NXPE4: variants seen among roughly 807,000 people sequenced by gnomAD.
NXPE4 encodes neurexophilin and PC-esterase domain family member 4.
NXPE4 carries 42 observed loss-of-function variants against 33.3 expected under a neutral mutation model. The observed-to-expected ratio is 1.26, with a 90% confidence interval of 0.98 to 1.63. The LOEUF is 1.63. Ranked by LOEUF, NXPE4 falls within the 40% of genes most tolerant of loss-of-function variation. The probability of loss-of-function intolerance (pLI) is 0.00; values close to 1 mark genes in which losing one functional copy is unlikely to be tolerated. For missense variants in NXPE4, 709 were observed against 647.6 expected, an observed-to-expected ratio of 1.09 and a Z score of -1.03; for synonymous variants, 253 against 234.9, an observed-to-expected ratio of 1.08 and a Z score of -0.71.
the NXPE4 span, among the ~76,000 whole-genome samples, chr11:114,655,418 G>A: frequency 1.3e-5 from 2 of 152,116 alleles, no homozygotes; most frequent in Non-Finnish European, 2.9e-5. Context: ...GTCTTGAAGG[G>A]TATTGCCTAG....
At chr11:114,596,744 A>G (rs1949576576), upstream of NXPE4, among the ~76,000 whole-genome samples, 1 of 152,222 alleles carries the variant, frequency 6.6e-6, no homozygotes, top group Non-Finnish European at 1.5e-5. Flanking sequence ...TCCTTAGAGG[A>G]CTGATGCCAG....
At chr11:114,674,249 T>G in the NXPE4 span, among the ~76,000 whole-genome samples, 1 of 151,834 alleles carries the variant, frequency 6.6e-6, no homozygotes, top group Non-Finnish European at 1.5e-5. Context: ...ATGTTTAAAA[T>G]TATTTGCCAA....
the NXPE4 span, among the ~76,000 whole-genome samples, chr11:114,663,272 G>A: frequency 3.3e-5 from 5 of 152,148 alleles, no homozygotes; most frequent in African/African-American, 4.8e-5. Flanking sequence ...CAACTCAGCC[G>A]CAGTACAGTA....
At chr11:114,668,771 G>A in the NXPE4 span, among the ~76,000 whole-genome samples, 1 of 152,094 alleles carries the variant, frequency 6.6e-6, no homozygotes, top group East Asian at 1.9e-4. Context: ...CCAACTATTA[G>A]GACAGCATTT....
the NXPE4 span, among the ~76,000 whole-genome samples, chr11:114,638,294 A>G: frequency 6.6e-6 from 1 of 151,630 alleles, no homozygotes; most frequent in African/African-American, 2.4e-5. Context: ...GTAGTTCTCG[A>G]GCCTTGGTTT....
chr11:114,576,993 A>G (rs61904900), intron 5 of NXPE4, among the ~76,000 whole-genome samples: 14,790 of 107,600 alleles, frequency 0.14, 1,101 homozygotes, highest in Admixed American at 0.21. Flanking sequence ...ATATATATAC[A>G]TATATATATA....
chr11:114,617,889 G>A, the NXPE4 span, among the ~76,000 whole-genome samples: 833 of 152,042 alleles, frequency 5.5e-3, 2 homozygotes, highest in African/African-American at 0.017. Flanking sequence ...CTTACCTGGC[G>A]GATAATAAGT....
the NXPE4 span, among the ~76,000 whole-genome samples, chr11:114,631,832 T>A: frequency 6.6e-6 from 1 of 151,438 alleles, no homozygotes; most frequent in Non-Finnish European, 1.5e-5. Flanking sequence ...GGGTAACCGA[T>A]GTTACCCGGT....
chr11:114,634,756 C>A, the NXPE4 span, among the ~76,000 whole-genome samples: 9 of 151,946 alleles, frequency 5.9e-5, no homozygotes, highest in Non-Finnish European at 8.8e-5. Flanking sequence ...TCAGGTTTCT[C>A]AAAGATCAGA....
At chr11:114,601,548 T>A in the NXPE4 span, among the ~76,000 whole-genome samples, 2 of 94,272 alleles carry the variant, frequency 2.1e-5, no homozygotes, top group Non-Finnish European at 4.1e-5. Flanking sequence ...TATATATTAT[T>A]TATAATTATA....
At chr11:114,626,788 G>A in the NXPE4 span, among the ~76,000 whole-genome samples, 30 of 152,222 alleles carry the variant, frequency 2.0e-4, no homozygotes, top group East Asian at 4.1e-3. Context: ...TTAGAATAAT[G>A]TATAACTAGA....
the NXPE4 span, among the ~76,000 whole-genome samples, chr11:114,661,977 T>C: frequency 0.5 from 76,125 of 151,938 alleles, 20,198 homozygotes; most frequent in East Asian, 0.79. Flanking sequence ...GGAGGTGGGG[T>C]AAGATGGCAG....
chr11:114,651,470 G>A, the NXPE4 span, among the ~76,000 whole-genome samples: 1 of 152,198 alleles, frequency 6.6e-6, no homozygotes, highest in Non-Finnish European at 1.5e-5. Flanking sequence ...CAAAGAGTAA[G>A]CAGCAGCAAG....
the NXPE4 span, among the ~76,000 whole-genome samples, chr11:114,610,013 T>C: frequency 0.18 from 26,800 of 151,526 alleles, 2,620 homozygotes; most frequent in African/African-American, 0.25. Flanking sequence ...TGGTAGATAA[T>C]ACATGTTGCC....
At chr11:114,636,251 A>C in the NXPE4 span, among the ~76,000 whole-genome samples, 1,555 of 152,132 alleles carry the variant, frequency 0.01, 26 homozygotes, top group African/African-American at 0.035. Flanking sequence ...TTATTTGCGT[A>C]GAGGTGTTTG....
chr11:114,582,300 C>G lies in NXPE4; in HGVS notation c.818G>C (p.Ser273Thr). 1.3e-6 allele frequency: 2 copies of G among 1,574,396 alleles called. No individual in the cohort carries two copies. Among genetic ancestry groups the G allele is most frequent in the Non-Finnish European group, 1.7e-6 (2 of 1,162,174 alleles). Residue 273 changes from serine (S) to threonine (T), a missense_variant, in exon 3 of 6, where the codon AGC (serine) becomes ACC (threonine). Transcript: ENST00000375478. ...TAATTATTTTTACCTTTCAAAGAGGCTCTTTTCTTGTTTGCTAAGATAAGA... is the reference window on the plus strand; with the variant it reads ...TAATTATTTTTACCTTTCAAAGAGGGTCTTTTCTTGTTTGCTAAGATAAGA... Reference protein sequence around the residue: ...KVSYLSKQEKSLFERSNVGVE... With the variant: ...KVSYLSKQEKTLFERSNVGVE...
At chr11:114,632,027 A>G in the NXPE4 span, among the ~76,000 whole-genome samples, 1 of 146,894 alleles carries the variant, frequency 6.8e-6, no homozygotes, top group African/African-American at 2.5e-5. Flanking sequence ...TAATAATTAT[A>G]CTTTATATAT....
At chr11:114,581,635 A>G in intron 4 of NXPE4, 90 bp downstream of exon 4, 1 of 1,041,600 alleles carries the variant, frequency 9.6e-7, no homozygotes. Flanking sequence ...TGCTGATAGG[A>G]CTGAAACAGT....
At chr11:114,650,298 G>A in the NXPE4 span, among the ~76,000 whole-genome samples, 7 of 152,292 alleles carry the variant, frequency 4.6e-5, no homozygotes, top group South Asian at 6.2e-4. Flanking sequence ...ATTGTTAAAC[G>A]CCAAATGTGA....
Sources: gnomAD v4.1 joint callset for allele counts (sites outside exome capture counted in the v4.1 genomes callset) on GRCh38, gnomAD v4.1.1 for gene constraint, MANE v1.5 for transcripts, NCBI Gene and HGNC (gene_info 2026-07-23, HGNC 2026-07-21) for gene names.